COPS2: variants seen among roughly 807,000 people sequenced by gnomAD.
The protein encoded by COPS2 is COP9 signalosome complex subunit 2.
COPS2 carries 10 observed loss-of-function variants against 66.1 expected under a neutral mutation model. That is an observed-to-expected ratio of 0.15 (90% CI 0.09 to 0.26). The LOEUF is 0.26. COPS2 is among the 10% of genes least tolerant of loss of function. The probability of loss-of-function intolerance (pLI) is 1.00; values close to 1 mark genes in which losing one functional copy is unlikely to be tolerated. For synonymous variants in COPS2, 179 were observed against 171.3 expected (o/e 1.04, Z -0.35); for missense variants, 215 against 513.3 (o/e 0.42, Z 5.62).
In COPS2 at chr15:49,133,990, T is replaced by C; in HGVS notation, c.834A>G (p.Lys278=). Reference sequence around the variant, plus strand: ...TAAGCATATTTGCTAAGACCAAATATTTTAAGCAAGTGGTTCGTCTTGGAC... The same window carrying C: ...TAAGCATATTTGCTAAGACCAAATACTTTAAGCAAGTGGTTCGTCTTGGAC... ...SGSPRRTTCL[K]YLVLANMLMK... Residue 278 remains lysine (K), a synonymous_variant, in exon 8 of 13, where the codon AAA becomes AAG. Coordinates refer to ENST00000388901, the MANE Select transcript of COPS2 (RefSeq NM_004236.4). The C allele has an allele frequency of 2.5e-6, 4 of 1,614,040 alleles. No individual in the cohort carries two copies. The highest frequency in any genetic ancestry group is 1.1e-5 in the South Asian group (1 of 91,056).
At chr15:49,142,397 G>GT (rs1424589568) in intron 3 of COPS2, among the ~76,000 whole-genome samples, 7 of 152,164 alleles carry the variant, frequency 4.6e-5, no homozygotes, top group African/African-American at 1.7e-4. Context: ...CCATACCAGA[G>GT]TGACAGTACC....
At chr15:49,138,266 T>C (rs2141127492) in intron 4 of COPS2, among the ~76,000 whole-genome samples, 1 of 151,926 alleles carries the variant, frequency 6.6e-6, no homozygotes, top group East Asian at 1.9e-4. Context: ...TCTAATTCTC[T>C]GCTTAACAGG....
At chr15:49,147,115 C>T (rs927053398) in intron 1 of COPS2, among the ~76,000 whole-genome samples, 22 of 152,066 alleles carry the variant, frequency 1.4e-4, no homozygotes, top group Non-Finnish European at 2.1e-4. Flanking sequence ...TCTATGCCTT[C>T]GGAAATCAGC....
At position 49,128,733 on chromosome 15, in the gene COPS2, C is replaced by T; in HGVS notation, c.1156G>A (p.Glu386Lys). 1 of 1,609,246 alleles carries T rather than the reference C, an allele frequency of 6.2e-7. No homozygotes were observed. The highest frequency in any genetic ancestry group is 8.5e-7 in the Non-Finnish European group (1 of 1,176,828). ...KELNIDVADV[E>K]SLLVQCILDN... is the part of the protein sequence containing the mutation. The stretch of plus-strand genomic sequence containing the variant: ...AATATGCACTGCACCAGCAAGCTCT[C>T]CACATCAGCTACATCTATGTTTAAC... Residue 386 changes from glutamate (E) to lysine (K), a missense_variant, in exon 12 of 13, where the codon GAG (glutamate) becomes AAG (lysine). Glu to Lys is a moderately conservative substitution (Grantham distance 56, BLOSUM62 1). Coordinates refer to ENST00000388901, the MANE Select transcript of COPS2 (RefSeq NM_004236.4).
intron 1 of COPS2, among the ~76,000 whole-genome samples, chr15:49,154,535 A>G (rs1369603701): frequency 6.6e-6 from 1 of 152,222 alleles, no homozygotes; most frequent in East Asian, 1.9e-4. Context: ...AAAATGAGTC[A>G]GACGTCCCAA....
At position 49,124,113 on chromosome 15, in the gene COPS2, C is replaced by T. The variant is rs2084145013; in HGVS notation, c.*3837G>A. The T allele has an allele frequency of 6.6e-6, 1 of 152,216 alleles. No homozygotes were observed. Among genetic ancestry groups the T allele is most frequent in the Non-Finnish European group, 1.5e-5 (1 of 68,060 alleles). The allele number at this position is 152,216 out of a possible 1,614,324, so 9.4% of individuals were successfully genotyped here. On this transcript the variant is annotated 3_prime_UTR_variant, in exon 13 of 13. Coordinates refer to ENST00000388901, the MANE Select transcript of COPS2 (RefSeq NM_004236.4). ...TCAGGCTGGGCGTGGTGGCTCACGC[C>T]TGTAATCCCAGCACTATGGGAGGCC...
chr15:49,150,586 G>A (rs1444816527), intron 1 of COPS2, among the ~76,000 whole-genome samples: 2 of 152,152 alleles, frequency 1.3e-5, no homozygotes, highest in Non-Finnish European at 2.9e-5. Context: ...CATTAAAACT[G>A]CTATACCATA....
intron 3 of COPS2, among the ~76,000 whole-genome samples, 164 bp downstream of exon 3, chr15:49,144,063 G>GT (rs974750111): frequency 1.3e-4 from 20 of 151,454 alleles, no homozygotes; most frequent in East Asian, 7.7e-4. Flanking sequence ...TGAAGAATTT[G>GT]TTTTTTTTAC....
chr15:49,152,088 AT>A (rs2084366105), intron 1 of COPS2, among the ~76,000 whole-genome samples: 2 of 151,652 alleles, frequency 1.3e-5, no homozygotes, highest in African/African-American at 4.8e-5. Flanking sequence ...GTGATGATCA[AT>A]TTTCCAAAAA....
At chr15:49,128,551 C>A in intron 12 of COPS2, 151 bp downstream of exon 12, 1 of 519,692 alleles carries the variant, frequency 1.9e-6, no homozygotes, top group South Asian at 3.4e-5. Flanking sequence ...CATCAAAAAC[C>A]ATCACACATA....
chr15:49,144,656 A>G (rs2084309717), intron 2 of COPS2, among the ~76,000 whole-genome samples: 1 of 152,208 alleles, frequency 6.6e-6, no homozygotes, highest in South Asian at 2.1e-4. Flanking sequence ...TAATGAAACC[A>G]CAACTGTATG....
At chr15:49,131,473 C>T (rs535244535) in intron 9 of COPS2, among the ~76,000 whole-genome samples, 3 of 151,402 alleles carry the variant, frequency 2.0e-5, no homozygotes, top group Non-Finnish European at 4.4e-5. Context: ...GCTAAAGGTG[C>T]TGAGAAGGAA....
At chr15:49,133,738 A>C in intron 9 of COPS2, 21 bp downstream of exon 9, 2 of 1,554,930 alleles carry the variant, frequency 1.3e-6, no homozygotes, top group Non-Finnish European at 1.8e-6. Context: ...AATTTACCTT[A>C]ACTGAAATAC....
chr15:49,135,428 C>T (rs2084244166), intron 6 of COPS2, among the ~76,000 whole-genome samples: 1 of 152,122 alleles, frequency 6.6e-6, no homozygotes, highest in Admixed American at 6.6e-5. Flanking sequence ...AAAAAGTTCA[C>T]ACTCTAGTAG....
At chr15:49,141,836 C>T (rs1387701204) in intron 3 of COPS2, among the ~76,000 whole-genome samples, 1 of 152,218 alleles carries the variant, frequency 6.6e-6, no homozygotes, top group African/African-American at 2.4e-5. Flanking sequence ...CTCTCCCTTC[C>T]TTCCCACTCT....
chr15:49,128,852 T>A, intron 11 of COPS2, 92 bp from the exon 12 acceptor site: 1 of 822,600 alleles, frequency 1.2e-6, no homozygotes, highest in Non-Finnish European at 2.0e-6. Context: ...TTCTATCACT[T>A]AAAGGAAAAT....
In COPS2 at chr15:49,124,026, A is replaced by G. The variant is rs1354717242; in HGVS notation, c.*3924T>C. ...ACTATAAATTTAATAATCTCGAGTT[A>G]AAGAGAACCTCCAATTTGTCTTCGT... On this transcript the variant is annotated 3_prime_UTR_variant, in exon 13 of 13. Coordinates refer to ENST00000388901, the MANE Select transcript of COPS2 (RefSeq NM_004236.4). The G allele has an allele frequency of 6.6e-6, 1 of 152,234 alleles. No individual in the cohort carries two copies. The highest frequency in any genetic ancestry group is 2.4e-5 in the African/African-American group (1 of 41,474). The allele number at this position is 152,234 out of a possible 1,614,324, so 9.4% of individuals were successfully genotyped here.
rs941304550 is a variant in COPS2 at position 49,123,585 on chromosome 15, C to T, written c.*4365G>A. On this transcript the variant is annotated 3_prime_UTR_variant, in exon 13 of 13. Coordinates refer to ENST00000388901, the MANE Select transcript of COPS2 (RefSeq NM_004236.4). ...CATATGCACACAAAAAAGTTTTGGT[C>T]AGCTATTCATGTGGAAATTCTGAGC... 3 of 152,174 alleles carry T rather than the reference C, an allele frequency of 2.0e-5. No individual in the cohort carries two copies. The highest frequency in any genetic ancestry group is 2.4e-5 in the African/African-American group (1 of 41,446). The allele number at this position is 152,174 out of a possible 1,614,324, so 9.4% of individuals were successfully genotyped here.
intron 3 of COPS2, among the ~76,000 whole-genome samples, chr15:49,141,710 G>A (rs1055341342): frequency 6.6e-6 from 1 of 152,136 alleles, no homozygotes; most frequent in Non-Finnish European, 1.5e-5. Context: ...CAGAAAACGA[G>A]AGGGGCAGGT....
Sources: allele counts gnomAD v4.1 joint callset (sites outside exome capture counted in the v4.1 genomes callset), GRCh38; gene constraint gnomAD v4.1.1; transcripts MANE v1.5; gene names NCBI Gene and HGNC (gene_info 2026-07-23, HGNC 2026-07-21).